Variants in ATXN7L1 observed in about 807,000 individuals in gnomAD.
The protein encoded by ATXN7L1 is ataxin-7-like protein 1.
A neutral mutation model predicts 70.8 loss-of-function variants in ATXN7L1; 15 were observed. The ratio of observed to expected loss-of-function variants is 0.21; its 90% CI spans 0.14 to 0.33. The LOEUF is 0.33. Among genes scored for constraint, ATXN7L1 ranks in the 10% least tolerant of loss-of-function variants. ATXN7L1 has a pLI of 1.00. For synonymous variants in ATXN7L1, 440 were observed against 445.1 expected, an observed-to-expected ratio of 0.99 and a Z score of 0.14; for missense variants, 975 against 1,097.1, an observed-to-expected ratio of 0.89 and a Z score of 1.57.
chr7:105,709,529 C>T (rs189910365), intron 3 of ATXN7L1, among the ~76,000 whole-genome samples: 1 of 152,174 alleles, frequency 6.6e-6, no homozygotes, highest in East Asian at 1.9e-4. Flanking sequence ...CTGGCTCTTA[C>T]AATCCAGACC....
At chr7:105,864,453 T>A (rs1817084227) in intron 2 of ATXN7L1, among the ~76,000 whole-genome samples, 1 of 60,642 alleles carries the variant, frequency 1.6e-5, no homozygotes, top group Non-Finnish European at 2.9e-5. Flanking sequence ...AGAGGCCCTG[T>A]CTCAAAAAAA....
intron 3 of ATXN7L1, among the ~76,000 whole-genome samples, chr7:105,690,487 G>C (rs999334423): frequency 1.3e-5 from 2 of 152,196 alleles, no homozygotes; most frequent in African/African-American, 4.8e-5. Flanking sequence ...GGACCCATCT[G>C]TGTGGGACTC....
intron 2 of ATXN7L1, among the ~76,000 whole-genome samples, chr7:105,796,685 A>T (rs1281134830): frequency 6.6e-6 from 1 of 152,156 alleles, no homozygotes; most frequent in Admixed American, 6.5e-5. Context: ...CTTTCCCCTA[A>T]TAATCTTTAT....
chr7:105,614,899 A>T lies in ATXN7L1; in HGVS notation c.1518-83T>A. ...GGAGGCTCGATGACGTTTGAGGATC[A>T]GGGCTACAGAGGACACCCCGGCAGA... On this transcript the variant is annotated intron_variant, in intron 9 of 11. Transcript: ENST00000419735. The surrounding 1 kb of genome is among the most constrained non-coding windows in gnomAD (Gnocchi z 4.3). 1 of 1,441,734 alleles carries T rather than the reference A, an allele frequency of 6.9e-7. No homozygotes were observed. The highest frequency in any genetic ancestry group is 2.5e-5 in the East Asian group (1 of 40,042). The allele number at this position is 1,441,734 out of a possible 1,614,324, so 89.3% of individuals were successfully genotyped here. A position where few individuals can be genotyped will look rare whatever the true frequency, so the allele number is the denominator to read the frequency against.
intron 3 of ATXN7L1, among the ~76,000 whole-genome samples, chr7:105,679,745 G>C (rs1805277241): frequency 6.6e-6 from 1 of 152,144 alleles, no homozygotes; most frequent in Non-Finnish European, 1.5e-5. Context: ...CATAGAGACA[G>C]AAAGCCGACT....
intron 2 of ATXN7L1, among the ~76,000 whole-genome samples, chr7:105,828,873 C>T (rs1811215270): frequency 1.3e-5 from 2 of 152,170 alleles, no homozygotes; most frequent in East Asian, 1.9e-4. Context: ...TACATGGACT[C>T]CACCGGCAAG....
intron 3 of ATXN7L1, among the ~76,000 whole-genome samples, chr7:105,669,508 A>T (rs996444224): frequency 6.6e-6 from 1 of 152,208 alleles, no homozygotes; most frequent in Non-Finnish European, 1.5e-5. Context: ...TTTGTATTGT[A>T]ATAAATAGGC....
intron 3 of ATXN7L1, among the ~76,000 whole-genome samples, chr7:105,764,506 C>T (rs1350423481): frequency 1.3e-5 from 2 of 152,310 alleles, no homozygotes; most frequent in East Asian, 3.9e-4. Context: ...CCAGGGGATT[C>T]TGACACATGA....
intron 4 of ATXN7L1, among the ~76,000 whole-genome samples, chr7:105,653,402 C>T (rs1204393856): frequency 1.3e-5 from 2 of 152,126 alleles, no homozygotes; most frequent in Admixed American, 6.5e-5. Context: ...GAGCCGAGAT[C>T]GTGTCACAGC....
chr7:105,860,073 G>T (rs1405447640), intron 2 of ATXN7L1, among the ~76,000 whole-genome samples: 2 of 145,570 alleles, frequency 1.4e-5, no homozygotes, highest in African/African-American at 5.0e-5. Context: ...GAGTCACGAT[G>T]CCTGGCCTGT....
chr7:105,787,012 C>T (rs1376524388), intron 3 of ATXN7L1, among the ~76,000 whole-genome samples: 3 of 152,102 alleles, frequency 2.0e-5, no homozygotes, highest in Admixed American at 2.0e-4. Flanking sequence ...GTGGGACCTT[C>T]TTGCCATGGC....
At chr7:105,835,057 G>C (rs917442583) in intron 2 of ATXN7L1, among the ~76,000 whole-genome samples, 2 of 151,554 alleles carry the variant, frequency 1.3e-5, no homozygotes, top group African/African-American at 4.8e-5. Flanking sequence ...ATGAATGCTG[G>C]GGGAGAGGCA....
At chr7:105,807,633 T>G (rs1055328727) in intron 2 of ATXN7L1, among the ~76,000 whole-genome samples, 1 of 152,248 alleles carries the variant, frequency 6.6e-6, no homozygotes, top group African/African-American at 2.4e-5. Context: ...AAAATACTTA[T>G]GCACTGGGTT....
intron 5 of ATXN7L1, among the ~76,000 whole-genome samples, chr7:105,641,328 G>GT (rs34503805): frequency 0.29 from 36,248 of 123,016 alleles, 5,398 homozygotes; most frequent in South Asian, 0.47. Flanking sequence ...CTGGTGTGGT[G>GT]TTTTTTTTTT....
intron 3 of ATXN7L1, among the ~76,000 whole-genome samples, chr7:105,667,698 C>CAAAAAA (rs397890100): frequency 2.1e-5 from 1 of 47,066 alleles, no homozygotes; most frequent in African/African-American, 7.9e-5. Context: ...GACTCCGTCT[C>CAAAAAA]AAAAAAAAAA....
intron 4 of ATXN7L1, among the ~76,000 whole-genome samples, chr7:105,663,727 A>C (rs1802068377): frequency 6.6e-6 from 1 of 152,286 alleles, no homozygotes; most frequent in South Asian, 2.1e-4. Flanking sequence ...ACTTTTTAGT[A>C]AGGGCTGAGA....
intron 2 of ATXN7L1, among the ~76,000 whole-genome samples, chr7:105,789,994 G>A (rs549685279): frequency 1.7e-4 from 26 of 152,254 alleles, no homozygotes; most frequent in Admixed American, 1.3e-3. Context: ...GTACTGATCC[G>A]GTCTACAGTG....
rs143029441 is a variant in ATXN7L1, at chr7:105,828,892, T to C, written c.251-40184A>G. On this transcript the variant is annotated intron_variant, in intron 2 of 11. Coordinates refer to ENST00000419735, the MANE Select transcript of ATXN7L1 (RefSeq NM_020725.2). ...TGGACTCCACCGGCAAGGGTATTCA[T>C]GGCTTATGCAATGAGAGCTATTTTC... is the stretch of plus-strand genomic sequence containing the variant. 6.0e-4 allele frequency among the ~76,000 whole-genome samples: 92 copies of C among 152,356 alleles called. 1 individual carries two copies. In the East Asian group the frequency reaches 0.016, roughly 26 times the overall value.
chr7:105,645,992 G>C (rs150789721), intron 4 of ATXN7L1, among the ~76,000 whole-genome samples: 2,156 of 150,182 alleles, frequency 0.014, 27 homozygotes, highest in Non-Finnish European at 0.025. Context: ...GGGCGACAGA[G>C]CGAGTCTCTG....
Sources: gnomAD v4.1 joint callset for allele counts (sites outside exome capture counted in the v4.1 genomes callset) on GRCh38, gnomAD v4.1.1 for gene constraint, Gnocchi (gnomAD v3.1) non-coding constraint, MANE v1.5 for transcripts, NCBI Gene and HGNC (gene_info 2026-07-23, HGNC 2026-07-21) for gene names.